DNAI2: variants seen among roughly 807,000 people sequenced by gnomAD.
The protein encoded by DNAI2 is dynein axonemal intermediate chain 2, also known as dynein, axonemal, intermediate polypeptide 2.
DNAI2 carries 63 observed loss-of-function variants against 74.7 expected under a neutral mutation model. The observed-to-expected ratio is 0.84, with a 90% CI of 0.69 to 1.04. DNAI2 has a LOEUF of 1.04. DNAI2 is among the 50% of genes least tolerant of loss of function. DNAI2 has a pLI of 0.00. For synonymous variants in DNAI2, 289 were observed against 314.9 expected (o/e 0.92, Z 0.87); for missense variants, 688 against 803.2 (o/e 0.86, Z 1.73).
intron 1 of DNAI2, among the ~76,000 whole-genome samples, chr17:74,280,769 C>G (rs2051342873): frequency 6.6e-6 from 1 of 152,134 alleles, no homozygotes; most frequent in Non-Finnish European, 1.5e-5. Flanking sequence ...TCCTCCTGCC[C>G]TGTCAATAAA....
chr17:74,310,261 C>T lies in DNAI2; in HGVS notation c.1494+98C>T, dbSNP rs2053443304. 5 of 1,489,756 alleles carry T rather than the reference C, an allele frequency of 3.4e-6. No homozygotes were observed. The Admixed American group carries it at 9.9e-5, about 29-fold the overall frequency. The allele number at this position is 1,489,756 out of a possible 1,614,324, so 92.3% of individuals were successfully genotyped here. A position where few individuals can be genotyped will look rare whatever the true frequency, so the allele number is the denominator to read the frequency against. Reference sequence around the variant, plus strand: ...AGACAAATAGATGGCCCCGCCCTCCCACCCCCAGAACATAGGTGCACATTT... The same window carrying T: ...AGACAAATAGATGGCCCCGCCCTCCTACCCCCAGAACATAGGTGCACATTT... On this transcript the variant is annotated intron_variant, in intron 11 of 13. Coordinates refer to ENST00000311014, the MANE Select transcript of DNAI2 (RefSeq NM_023036.6).
intron 3 of DNAI2, among the ~76,000 whole-genome samples, chr17:74,286,321 TAATAATAATA>T (rs2051733570): frequency 6.7e-6 from 1 of 148,728 alleles, no homozygotes; most frequent in Non-Finnish European, 1.5e-5. Context: ...ATAATAATAA[TAATAATAATA>T]ATAATAATTT....
Position 74,305,419 on chromosome 17 carries a change from G to A in DNAI2, c.1188G>A (p.Arg396=), listed in dbSNP as rs139935771. The A allele has an allele frequency of 1.3e-4, 209 of 1,614,148 alleles. 1 individual carries two copies. In the African/African-American group the frequency reaches 2.6e-3, roughly 20 times the overall value. Residue 396 remains arginine, a synonymous_variant, in exon 9 of 14, where the codon CGG becomes CGA. Transcript: ENST00000311014. ...WTARIWSEDS[R]ESSIMWTKYH... ...CCCGCATTTGGTCTGAAGACAGCCG[G>A]GAATCGTCCATCATGTGGACCAAGT... is the stretch of plus-strand genomic sequence containing the variant.
At chr17:74,277,337 A>T (rs968515969) in intron 1 of DNAI2, among the ~76,000 whole-genome samples, 1 of 150,234 alleles carries the variant, frequency 6.7e-6, no homozygotes, top group African/African-American at 2.5e-5. Flanking sequence ...ATGAGCCTAG[A>T]TCTTGCCACT....
rs147848262 is a variant in DNAI2, at chr17:74,297,016, A to G, written c.725-2702A>G. Among the ~76,000 whole-genome samples the G allele has an allele frequency of 2.7e-3, 413 of 152,284 alleles. 1 individual carries two copies. Among genetic ancestry groups the G allele is most frequent in the African/African-American group, 9.4e-3 (390 of 41,556 alleles). On this transcript the variant is annotated intron_variant, in intron 6 of 13. Transcript: ENST00000311014. ...TTTTGCCAGTTTTCTCACTGCTATT[A>G]TGGAGGAGAGAATTTTTGGAGGTCC...
At position 74,277,853 on chromosome 17, in the gene DNAI2, G is replaced by A. The variant is rs145624900; in HGVS notation, c.-12+3508G>A. Among the ~76,000 whole-genome samples, 8 of 152,352 alleles carry A rather than the reference G, an allele frequency of 5.3e-5. No individual in the cohort carries two copies. In the East Asian group the frequency reaches 1.5e-3, roughly 29 times the overall value. ...AAGATCCCAGGTTTCAGAAACGCTG[G>A]TTGAGAGATTAAGTTCCCTCACTTT... On this transcript the variant is annotated intron_variant, in intron 1 of 13. Coordinates refer to ENST00000311014, the MANE Select transcript of DNAI2 (RefSeq NM_023036.6).
chr17:74,281,885 G>T lies in DNAI2; in HGVS notation c.68G>T (p.Arg23Leu). 6.2e-7 allele frequency: 1 copy of T among 1,614,118 alleles called. No homozygotes were observed. Among genetic ancestry groups the T allele is most frequent in the Admixed American group, 1.7e-5 (1 of 60,022 alleles). The change falls in exon 2 of 14, where the codon CGC becomes CTC. Residue 23 changes from arginine (R) to leucine (L), a missense_variant. Physicochemically the swap from Arg to Leu is moderately radical, Grantham distance 102. Coordinates refer to ENST00000311014, the MANE Select transcript of DNAI2 (RefSeq NM_023036.6). ...GGGAAGCAGTGCAATTTCTCGGACC[G>T]CCAGGCCGAGCTGAACATCGACATC... Reference protein sequence around the residue: ...EFGKQCNFSDRQAELNIDIMP... With the variant: ...EFGKQCNFSDLQAELNIDIMP...
rs1389577628 is a variant in DNAI2, at chr17:74,287,144, C to T, written c.467+46C>T. On this transcript the variant is annotated intron_variant, in intron 4 of 13. Transcript: ENST00000311014. ...GTGTCTGGCCACCCTCCGTCACCCC[C>T]ATGCATGGGCGCCTCCAAAGGCAAC... is the stretch of plus-strand genomic sequence containing the variant. 3 of 1,608,212 alleles carry T rather than the reference C, an allele frequency of 1.9e-6. No homozygotes were observed. The East Asian group carries it at 6.7e-5, about 36-fold the overall frequency.
At position 74,287,032 on chromosome 17, in the gene DNAI2, T is replaced by A; in HGVS notation, c.401T>A (p.Phe134Tyr). 2 of 1,613,902 alleles carry A rather than the reference T, an allele frequency of 1.2e-6. No individual in the cohort carries two copies. The highest frequency in any genetic ancestry group is 1.7e-6 in the Non-Finnish European group (2 of 1,179,870). Residue 134 changes from phenylalanine to tyrosine, a missense_variant, in exon 4 of 14, where the codon TTC becomes TAC. By Grantham distance (22) the Phe-to-Tyr change is conservative (BLOSUM62 3). Transcript: ENST00000311014. ...NNAIDIYEEY[F>Y]NDEEAMEVME... ...GCCATTGACATCTATGAAGAGTATT[T>A]CAATGACGAGGAGGCCATGGAAGTG...
chr17:74,310,076 C>A lies in DNAI2; in HGVS notation c.1407C>A (p.Cys469Ter), dbSNP rs143723454. 1 of 1,613,886 alleles carries A rather than the reference C, an allele frequency of 6.2e-7. No individual in the cohort carries two copies. The highest frequency in any genetic ancestry group is 1.1e-5 in the South Asian group (1 of 91,078). Residue 469 changes from cysteine to a stop codon, truncating the protein, a stop_gained, in exon 11 of 14, where the codon TGC becomes TGA. Coordinates refer to ENST00000311014, the MANE Select transcript of DNAI2 (RefSeq NM_023036.6). LOFTEE classifies it high-confidence loss of function. The part of the protein sequence containing the change: ...RVQDNGCLIA[C>*]GSQLGTTTLL... Reference sequence around the variant, plus strand: ...AGGACAATGGGTGTCTCATCGCCTGCGGCTCCCAGCTGGGGACAACCACCC... The same window carrying A: ...AGGACAATGGGTGTCTCATCGCCTGAGGCTCCCAGCTGGGGACAACCACCC...
At position 74,274,905 on chromosome 17, in the gene DNAI2, C is replaced by T. The variant is rs577576856; in HGVS notation, c.-12+560C>T. Among the ~76,000 whole-genome samples the T allele has an allele frequency of 1.3e-4, 20 of 152,310 alleles. 1 individual carries two copies. The East Asian group carries it at 1.7e-3, about 13-fold the overall frequency. On this transcript the variant is annotated intron_variant, in intron 1 of 13. Coordinates refer to ENST00000311014, the MANE Select transcript of DNAI2 (RefSeq NM_023036.6). The stretch of plus-strand genomic sequence containing the variant: ...GAGTTCCTCCGGAGCGTGTGCAGTT[C>T]CTCCTTCCTGCTCAAGGTCAAGGTT...
At chr17:74,275,273 G>A (rs1188498897) in intron 1 of DNAI2, among the ~76,000 whole-genome samples, 2 of 152,132 alleles carry the variant, frequency 1.3e-5, no homozygotes, top group African/African-American at 2.4e-5. Flanking sequence ...TTCCCAACTC[G>A]TCCTGCCCTC....
chr17:74,310,240 A>T (rs981146623), intron 11 of DNAI2, 77 bp downstream of exon 11: 100 of 1,544,158 alleles, frequency 6.5e-5, no homozygotes, highest in Middle Eastern at 2.1e-4. Context: ...CTAGTCAGAC[A>T]AATAGATGGC....
intron 12 of DNAI2, among the ~76,000 whole-genome samples, chr17:74,312,674 T>G (rs1254261232): frequency 2.0e-5 from 3 of 152,000 alleles, no homozygotes; most frequent in Non-Finnish European, 4.4e-5. Context: ...GTGTCAGGAG[T>G]GTGACCTGTG....
At chr17:74,286,892 T>C in intron 3 of DNAI2, 85 bp from the exon 4 acceptor site, 1 of 1,587,054 alleles carries the variant, frequency 6.3e-7, no homozygotes, top group East Asian at 2.2e-5. Flanking sequence ...GGCTATGTCC[T>C]GTCCCTCCCA....
chr17:74,310,001 C>T lies in DNAI2; in HGVS notation c.1348-16C>T, dbSNP rs113190193. ...TCCTCTCTCCTCTACCTGGGTCTGC[C>T]CGGCCCCTTCAATAGGTGTGTGACG... On this transcript the variant is annotated splice_polypyrimidine_tract_variant and intron_variant, in intron 10 of 13. Transcript: ENST00000311014. The T allele has an allele frequency of 2.0e-5, 32 of 1,613,696 alleles. No homozygotes were observed. The African/African-American group carries it at 2.1e-4, about 11-fold the overall frequency.
chr17:74,303,205 C>G (rs2052966459), intron 8 of DNAI2, among the ~76,000 whole-genome samples: 1 of 152,090 alleles, frequency 6.6e-6, no homozygotes, highest in Admixed American at 6.6e-5. Context: ...GTTGTGAGTC[C>G]TAGTACCTGG....
At position 74,301,446 on chromosome 17, in the gene DNAI2, AATT is replaced by A. The variant is rs1422848917; in HGVS notation, c.987+279_987+281del. ...ACAGAGGGCAATCTTTTGACAGAACAATTCCAGAAAAGCCCTGTTTTGTGGGGA... is the reference window on the plus strand; with the variant it reads ...ACAGAGGGCAATCTTTTGACAGAACACCAGAAAAGCCCTGTTTTGTGGGGA... On this transcript the variant is annotated intron_variant, in intron 8 of 13. Transcript: ENST00000311014. 2.0e-5 allele frequency among the ~76,000 whole-genome samples: 3 copies of A among 152,296 alleles called. No individual in the cohort carries two copies. In the East Asian group the frequency reaches 5.8e-4, roughly 29 times the overall value.
At chr17:74,275,932 C>A (rs1397309470) in intron 1 of DNAI2, among the ~76,000 whole-genome samples, 1 of 152,122 alleles carries the variant, frequency 6.6e-6, no homozygotes, top group Non-Finnish European at 1.5e-5. Flanking sequence ...TCCTCTCCTG[C>A]CAGGTGCCAT....
Sources: allele counts gnomAD v4.1 joint callset (sites outside exome capture counted in the v4.1 genomes callset), GRCh38; gene constraint gnomAD v4.1.1; transcripts MANE v1.5; gene names NCBI Gene and HGNC (gene_info 2026-07-23, HGNC 2026-07-21).